Variants in TSPAN18 observed in about 807,000 individuals in gnomAD.
The protein encoded by TSPAN18 is tetraspanin-18.
TSPAN18 carries 14 observed loss-of-function variants against 27.3 expected under a neutral mutation model. That is an observed-to-expected ratio of 0.51 (90% CI 0.34 to 0.80). TSPAN18 has a LOEUF of 0.80. Among genes scored for constraint, TSPAN18 ranks in the 30% least tolerant of loss-of-function variants. The pLI is 0.01. For synonymous variants in TSPAN18, 143 were observed against 136.5 expected (o/e 1.05, Z -0.33); for missense variants, 268 against 323.9 (o/e 0.83, Z 1.32).
At chr11:44,903,595 C>T (rs1433584572) in intron 3 of TSPAN18, 2 of 456,566 alleles carry the variant, frequency 4.4e-6, no homozygotes, top group South Asian at 1.5e-5. Context: ...CCAGAGGCTG[C>T]AGCCATGTCT....
chr11:44,879,600 GT>G (rs1200195293), intron 3 of TSPAN18, among the ~76,000 whole-genome samples: 1 of 152,254 alleles, frequency 6.6e-6, no homozygotes, highest in Non-Finnish European at 1.5e-5. Flanking sequence ...AGGCGGGAAT[GT>G]GCTTGCCATG....
intron 2 of TSPAN18, among the ~76,000 whole-genome samples, chr11:44,780,527 A>G (rs1025947856): frequency 6.6e-6 from 1 of 152,264 alleles, no homozygotes; most frequent in South Asian, 2.1e-4. Flanking sequence ...AGACAAAAAT[A>G]TGGCCTTTGC....
At chr11:44,856,040 C>A (rs569829302) in intron 2 of TSPAN18, among the ~76,000 whole-genome samples, 207 of 151,878 alleles carry the variant, frequency 1.4e-3, no homozygotes, top group African/African-American at 4.8e-3. Context: ...TGTACCACCA[C>A]GCCTGGCTAA....
chr11:44,819,443 G>A (rs1350401904), intron 2 of TSPAN18, among the ~76,000 whole-genome samples: 1 of 152,178 alleles, frequency 6.6e-6, no homozygotes, highest in Non-Finnish European at 1.5e-5. Context: ...GTGCGCATGT[G>A]CATGTGTGTC....
chr11:44,924,733 C>T (rs1314013068), intron 8 of TSPAN18, among the ~76,000 whole-genome samples: 9 of 143,436 alleles, frequency 6.3e-5, no homozygotes, highest in Non-Finnish European at 1.2e-4. Flanking sequence ...GGTTCTAATG[C>T]TTCAAAATCG....
chr11:44,785,137 G>A (rs977327720), intron 2 of TSPAN18, among the ~76,000 whole-genome samples: 5 of 152,134 alleles, frequency 3.3e-5, no homozygotes, highest in Admixed American at 6.5e-5. Flanking sequence ...TTTGTTAAAT[G>A]TTGATGAGAT....
At chr11:44,732,455 T>C (rs1037070376) in intron 1 of TSPAN18, among the ~76,000 whole-genome samples, 2 of 152,174 alleles carry the variant, frequency 1.3e-5, no homozygotes, top group Non-Finnish European at 2.9e-5. Flanking sequence ...TCCTGTGTGC[T>C]AAACCACTGT....
chr11:44,920,681 G>A (rs1253897925), intron 8 of TSPAN18, among the ~76,000 whole-genome samples: 2 of 152,078 alleles, frequency 1.3e-5, no homozygotes, highest in African/African-American at 2.4e-5. Flanking sequence ...ACCAGGCTAG[G>A]CAGGAGGAGA....
chr11:44,908,769 G>GAAAGAAAGAAAGAA lies in TSPAN18; in HGVS notation c.64-935_64-934insAAGAAAGAAAGAAA, dbSNP rs1554938043. On this transcript the variant is annotated intron_variant, in intron 4 of 9. Coordinates refer to ENST00000520358, the MANE Select transcript of TSPAN18 (RefSeq NM_130783.5). The stretch of plus-strand genomic sequence containing the variant: ...AAGAGAGAGAGAGAGAGAGAGAAAG[G>GAAAGAAAGAAAGAA]AGAAAGAAAGAAAGAAAGAAAGAAA... Among the ~76,000 whole-genome samples, 101 of 71,694 alleles carry GAAAGAAAGAAAGAA rather than the reference G, an allele frequency of 1.4e-3. 10 individuals carry two copies. The highest frequency in any genetic ancestry group is 4.9e-3 in the African/African-American group (74 of 15,056). 47.0% of individuals were successfully genotyped at this position (71,694 alleles called of 152,430 possible). A position where few individuals can be genotyped will look rare whatever the true frequency, so the allele number is the denominator to read the frequency against.
chr11:44,772,134 T>A (rs190463809), intron 2 of TSPAN18, among the ~76,000 whole-genome samples: 1 of 152,198 alleles, frequency 6.6e-6, no homozygotes, highest in Non-Finnish European at 1.5e-5. Context: ...TCCAGCTACA[T>A]TGGGGAGGGC....
intron 3 of TSPAN18, among the ~76,000 whole-genome samples, chr11:44,874,947 A>C (rs1040608378): frequency 7.9e-5 from 12 of 152,228 alleles, no homozygotes; most frequent in Admixed American, 7.8e-4. Context: ...CGCAGCCCAC[A>C]GACCCATTTT....
At chr11:44,874,019 G>T (rs899425958) in intron 3 of TSPAN18, among the ~76,000 whole-genome samples, 1 of 152,166 alleles carries the variant, frequency 6.6e-6, no homozygotes, top group African/African-American at 2.4e-5. Flanking sequence ...CCCGCAGCCT[G>T]GGAATGGCCC....
intron 1 of TSPAN18, among the ~76,000 whole-genome samples, chr11:44,740,431 G>A (rs903810495): frequency 2.6e-5 from 4 of 152,212 alleles, no homozygotes; most frequent in Admixed American, 6.5e-5. Flanking sequence ...GCTGCCACCT[G>A]TGTGTCCTGT....
chr11:44,741,006 C>T (rs1854919660), intron 1 of TSPAN18, among the ~76,000 whole-genome samples: 1 of 152,174 alleles, frequency 6.6e-6, no homozygotes, highest in Admixed American at 6.5e-5. Context: ...GATATCCCAT[C>T]CGCATCACGG....
chr11:44,869,861 T>C (rs768594820), intron 3 of TSPAN18, among the ~76,000 whole-genome samples: 11 of 152,120 alleles, frequency 7.2e-5, no homozygotes, highest in Non-Finnish European at 1.3e-4. Flanking sequence ...TTGGGGTGGG[T>C]GGGCAGGCAG....
chr11:44,885,517 T>C (rs549740224), intron 3 of TSPAN18, among the ~76,000 whole-genome samples: 1 of 150,672 alleles, frequency 6.6e-6, no homozygotes, highest in East Asian at 2.0e-4. Context: ...ATGAGGCATT[T>C]CTCAGCTTCC....
intron 1 of TSPAN18, among the ~76,000 whole-genome samples, chr11:44,740,247 C>T (rs1854900884): frequency 6.6e-6 from 1 of 152,144 alleles, no homozygotes; most frequent in Non-Finnish European, 1.5e-5. Flanking sequence ...CCCTTGGGAC[C>T]CTTTGGGGAG....
chr11:44,728,043 A>G (rs1854559967), intron 1 of TSPAN18, among the ~76,000 whole-genome samples: 1 of 152,232 alleles, frequency 6.6e-6, no homozygotes, highest in Non-Finnish European at 1.5e-5. Flanking sequence ...CCTCGCCAGC[A>G]GGAAGCGCGT....
chr11:44,844,753 G>C (rs1857445984), intron 2 of TSPAN18, among the ~76,000 whole-genome samples: 1 of 152,160 alleles, frequency 6.6e-6, no homozygotes, highest in South Asian at 2.1e-4. Context: ...GTAGATAAGT[G>C]TTGCAAATAC....
Sources: allele counts gnomAD v4.1 joint callset (sites outside exome capture counted in the v4.1 genomes callset), GRCh38; gene constraint gnomAD v4.1.1; transcripts MANE v1.5; gene names NCBI Gene and HGNC (gene_info 2026-07-23, HGNC 2026-07-21).